Variants in GALNTL6 observed in about 807,000 individuals in gnomAD.
GALNTL6 encodes the protein polypeptide N-acetylgalactosaminyltransferase like 6.
Under a neutral mutation model 73.7 loss-of-function variants are expected in GALNTL6, and 46 were observed. The ratio of observed to expected loss-of-function variants is 0.62; its 90% CI spans 0.49 to 0.80. The LOEUF (loss-of-function observed/expected upper bound fraction) is 0.80, where lower values mean the gene tolerates loss of function less well. Ranked by LOEUF, GALNTL6 falls within the 30% of genes least tolerant of loss-of-function variation. The pLI, the probability that GALNTL6 is intolerant of heterozygous loss-of-function variation, is 0.00. For synonymous variants in GALNTL6, 259 were observed against 263.7 expected (o/e 0.98, Z 0.17); for missense variants, 604 against 755.0 (o/e 0.80, Z 2.34).
intron 2 of GALNTL6, among the ~76,000 whole-genome samples, chr4:171,993,806 A>G (rs1226978282): frequency 6.6e-6 from 1 of 151,660 alleles, no homozygotes; most frequent in Non-Finnish European, 1.5e-5. Flanking sequence ...ATATATACAT[A>G]TATATGTATA....
intron 5 of GALNTL6, among the ~76,000 whole-genome samples, chr4:172,727,936 A>G (rs572187353): frequency 4.6e-5 from 7 of 152,102 alleles, no homozygotes; most frequent in Non-Finnish European, 2.9e-5. Flanking sequence ...TTTTTGAGAC[A>G]GAGTCTCGCT....
intron 5 of GALNTL6, among the ~76,000 whole-genome samples, chr4:172,725,184 T>C (rs1735724533): frequency 6.6e-6 from 1 of 152,200 alleles, no homozygotes; most frequent in African/African-American, 2.4e-5. Context: ...ACACAACATT[T>C]GCATGTATAG....
intron 5 of GALNTL6, chr4:172,667,389 T>A (rs888173865): frequency 2.0e-5 from 3 of 152,268 alleles, no homozygotes; most frequent in Non-Finnish European, 4.4e-5. Context: ...ATCACAAAGT[T>A]AGCAGTTAAA....
intron 8 of GALNTL6, among the ~76,000 whole-genome samples, chr4:172,899,876 CTGTCA>C (rs2111236402): frequency 6.6e-6 from 1 of 152,250 alleles, no homozygotes; most frequent in South Asian, 2.1e-4. Context: ...CATTTGTAAA[CTGTCA>C]TGGCATTGGT....
chr4:172,849,077 G>T (rs148411838), intron 7 of GALNTL6, among the ~76,000 whole-genome samples: 1 of 151,966 alleles, frequency 6.6e-6, no homozygotes, highest in Non-Finnish European at 1.5e-5. Flanking sequence ...AGGAAAAAAC[G>T]TTAACAAGTT....
chr4:172,553,161 A>G (rs2110905985), intron 5 of GALNTL6, among the ~76,000 whole-genome samples: 1 of 152,284 alleles, frequency 6.6e-6, no homozygotes, highest in South Asian at 2.1e-4. Context: ...TCTGGCCTAT[A>G]CAATTAGAAG....
At chr4:172,287,083 G>T (rs1739282809) in intron 3 of GALNTL6, among the ~76,000 whole-genome samples, 1 of 152,178 alleles carries the variant, frequency 6.6e-6, no homozygotes, top group Admixed American at 6.5e-5. Flanking sequence ...AAGCCTTGCA[G>T]GGTGGAAATC....
chr4:172,538,081 C>T (rs991480390), intron 5 of GALNTL6, among the ~76,000 whole-genome samples: 1 of 152,004 alleles, frequency 6.6e-6, no homozygotes, highest in African/African-American at 2.4e-5. Flanking sequence ...TATGAAAGAC[C>T]ATATACTTTC....
chr4:172,868,113 T>C (rs916524014), intron 7 of GALNTL6, among the ~76,000 whole-genome samples: 1 of 152,238 alleles, frequency 6.6e-6, no homozygotes, highest in African/African-American at 2.4e-5. Context: ...AGTTTTCTAT[T>C]CTATTTACAG....
intron 10 of GALNTL6, among the ~76,000 whole-genome samples, chr4:173,008,158 G>A (rs929669334): frequency 2.6e-5 from 4 of 152,166 alleles, no homozygotes; most frequent in African/African-American, 9.7e-5. Context: ...GAAGCCAAAG[G>A]TCACCATGTT....
intron 2 of GALNTL6, among the ~76,000 whole-genome samples, chr4:171,946,611 G>A (rs1304019183): frequency 6.6e-6 from 1 of 152,190 alleles, no homozygotes; most frequent in African/African-American, 2.4e-5. Flanking sequence ...AATGAGAGGA[G>A]AGTAACTTTG....
At chr4:172,997,970 T>C (rs1448390317) in intron 10 of GALNTL6, among the ~76,000 whole-genome samples, 2 of 152,232 alleles carry the variant, frequency 1.3e-5, no homozygotes, top group Non-Finnish European at 2.9e-5. Flanking sequence ...AGAACACATA[T>C]AAACCTAAGG....
chr4:172,764,008 G>A (rs1215397005), intron 5 of GALNTL6, among the ~76,000 whole-genome samples: 4 of 148,058 alleles, frequency 2.7e-5, no homozygotes, highest in Non-Finnish European at 5.9e-5. Context: ...GCCAAGGCTG[G>A]AGTGCAATGG....
intron 5 of GALNTL6, among the ~76,000 whole-genome samples, chr4:172,366,699 T>C (rs574085388): frequency 6.6e-6 from 1 of 152,214 alleles, no homozygotes; most frequent in African/African-American, 2.4e-5. Flanking sequence ...CCTCCTCCCC[T>C]CCCCTAACCT....
intron 2 of GALNTL6, among the ~76,000 whole-genome samples, chr4:172,105,332 G>C (rs1005301886): frequency 1.3e-5 from 2 of 152,008 alleles, no homozygotes; most frequent in Non-Finnish European, 2.9e-5. Context: ...ACATGAATTA[G>C]AAGTTAAAAG....
At chr4:173,010,167 C>T (rs904351025) in intron 11 of GALNTL6, among the ~76,000 whole-genome samples, 13 of 152,172 alleles carry the variant, frequency 8.5e-5, no homozygotes, top group Non-Finnish European at 1.8e-4. Context: ...CCTCCCACTA[C>T]CCTTGCCAGC....
intron 5 of GALNTL6, among the ~76,000 whole-genome samples, chr4:172,561,127 C>T (rs887455371): frequency 1.3e-4 from 20 of 151,560 alleles, no homozygotes; most frequent in East Asian, 3.9e-4. Context: ...GTGGCGGGCG[C>T]CTGTAGTCCC....
intron 5 of GALNTL6, among the ~76,000 whole-genome samples, chr4:172,395,020 T>G (rs931544152): frequency 6.6e-6 from 1 of 152,162 alleles, no homozygotes; most frequent in African/African-American, 2.4e-5. Context: ...TCTCTATATG[T>G]TTTTAGTCTG....
chr4:172,165,081 A>C (rs1162344375), intron 2 of GALNTL6, among the ~76,000 whole-genome samples: 1 of 152,140 alleles, frequency 6.6e-6, no homozygotes, highest in Non-Finnish European at 1.5e-5. Context: ...AAACAACTTT[A>C]ACATTTTAAG....
Sources: gnomAD v4.1 joint callset for allele counts (sites outside exome capture counted in the v4.1 genomes callset) on GRCh38, gnomAD v4.1.1 for gene constraint, MANE v1.5 for transcripts, NCBI Gene and HGNC (gene_info 2026-07-23, HGNC 2026-07-21) for gene names.